The following GRM5 variants were observed in gnomAD, a reference collection of about 807,000 sequenced individuals.
GRM5 encodes metabotropic glutamate receptor 5.
In GRM5, 19 loss-of-function variants were observed where a neutral mutation model predicts 83.1. The ratio of observed to expected loss-of-function variants is 0.23; its 90% CI spans 0.16 to 0.34. The LOEUF is 0.34. Among genes scored for constraint, GRM5 ranks in the 10% least tolerant of loss-of-function variants. The probability of loss-of-function intolerance (pLI) is 1.00; values close to 1 mark genes in which losing one functional copy is unlikely to be tolerated. For synonymous variants in GRM5, 675 were observed against 633.6 expected, an observed-to-expected ratio of 1.07 and a Z score of -0.98; for missense variants, 1,160 against 1,588.3, an observed-to-expected ratio of 0.73 and a Z score of 4.58.
At chr11:88,571,692 C>G (rs1366000728) in intron 7 of GRM5, among the ~76,000 whole-genome samples, 1 of 152,148 alleles carries the variant, frequency 6.6e-6, no homozygotes, top group African/African-American at 2.4e-5. Context: ...TAGAGATTAT[C>G]AAGCCAAATT....
chr11:88,554,996 A>G (rs1942593567), intron 8 of GRM5, among the ~76,000 whole-genome samples: 2 of 152,168 alleles, frequency 1.3e-5, no homozygotes, highest in East Asian at 3.9e-4. Flanking sequence ...CCCACTTGAC[A>G]TATCCTCTTG....
intron 3 of GRM5, among the ~76,000 whole-genome samples, chr11:88,772,532 G>A (rs1364295548): frequency 6.6e-6 from 1 of 151,826 alleles, no homozygotes; most frequent in East Asian, 1.9e-4. Flanking sequence ...CATGTGCCAT[G>A]TTGCTTTGCT....
At position 88,604,824 on chromosome 11, in the gene GRM5, T is replaced by G. The variant is rs1285410696; in HGVS notation, c.1288A>C (p.Lys430Gln). The G allele has an allele frequency of 1.2e-6, 2 of 1,614,072 alleles. No homozygotes were observed. The highest frequency in any genetic ancestry group is 2.2e-5 in the South Asian group (2 of 91,084). The part of the protein sequence containing the change: ...PGYAGLCDAM[K>Q]PIDGRKLLES... The stretch of plus-strand genomic sequence containing the variant: ...AAAAGTTTCCGTCCATCAATTGGCT[T>G]CATGGCATCACAGAGTCCTGCATAG... Residue 430 changes from lysine (K) to glutamine (Q), a missense_variant, in exon 5 of 10, where the codon AAG becomes CAG. This residue lies in a region of GRM5 where 132 missense variants were observed against 197.6 expected (regional missense o/e 0.67). Coordinates refer to ENST00000305447, the MANE Select transcript of GRM5 (RefSeq NM_001143831.3).
chr11:88,519,763 A>G (rs1385071542), intron 9 of GRM5, among the ~76,000 whole-genome samples: 2 of 152,178 alleles, frequency 1.3e-5, no homozygotes, highest in Non-Finnish European at 2.9e-5. Context: ...AAGACAAAAC[A>G]GTAAATACGT....
chr11:88,777,925 AG>A, intron 3 of GRM5, among the ~76,000 whole-genome samples: 1 of 152,172 alleles, frequency 6.6e-6, no homozygotes, highest in East Asian at 1.9e-4. Flanking sequence ...GACCCACTTA[AG>A]GAGGCAGTCT....
intron 8 of GRM5, among the ~76,000 whole-genome samples, chr11:88,529,617 A>G (rs1237767191): frequency 6.6e-6 from 1 of 151,968 alleles, no homozygotes; most frequent in Non-Finnish European, 1.5e-5. Context: ...GCTACATAAA[A>G]CAGGATCAGA....
At chr11:89,007,932 A>G (rs10466323) in intron 2 of GRM5, among the ~76,000 whole-genome samples, 10,746 of 152,222 alleles carry the variant, frequency 0.071, 1,237 homozygotes, top group African/African-American at 0.25. Flanking sequence ...TTGTTTAATC[A>G]CTCACAATAT....
At chr11:88,512,981 C>T (rs557914068) in intron 9 of GRM5, among the ~76,000 whole-genome samples, 1 of 152,332 alleles carries the variant, frequency 6.6e-6, no homozygotes, top group East Asian at 1.9e-4. Flanking sequence ...ACACCCTAAA[C>T]TATCTCCTTG....
chr11:89,016,812 A>T (rs1940868942), intron 2 of GRM5, among the ~76,000 whole-genome samples: 1 of 152,164 alleles, frequency 6.6e-6, no homozygotes, highest in South Asian at 2.1e-4. Flanking sequence ...GATAGGATAA[A>T]ACAGTCAGGA....
intron 3 of GRM5, among the ~76,000 whole-genome samples, chr11:88,787,682 A>G (rs1943099237): frequency 1.3e-5 from 2 of 152,206 alleles, no homozygotes; most frequent in African/African-American, 4.8e-5. Context: ...TATGTTTAAG[A>G]TTGACTTTAA....
intron 4 of GRM5, among the ~76,000 whole-genome samples, chr11:88,651,060 A>C (rs75610337): frequency 0.013 from 2,023 of 152,124 alleles, 27 homozygotes; most frequent in Non-Finnish European, 0.022. Context: ...GCAGTAAAGA[A>C]CAGATTCTGA....
chr11:88,853,162 G>T (rs1944416326), intron 2 of GRM5, among the ~76,000 whole-genome samples: 1 of 152,106 alleles, frequency 6.6e-6, no homozygotes, highest in Non-Finnish European at 1.5e-5. Context: ...TGGAGAAAAT[G>T]TAATCATAGC....
intron 2 of GRM5, among the ~76,000 whole-genome samples, chr11:88,959,585 G>C (rs1288270499): frequency 6.6e-6 from 1 of 152,144 alleles, no homozygotes; most frequent in African/African-American, 2.4e-5. Flanking sequence ...TCATCTGACA[G>C]TTATAGCTCT....
intron 2 of GRM5, among the ~76,000 whole-genome samples, chr11:88,962,976 C>T (rs1938829463): frequency 6.6e-6 from 1 of 152,206 alleles, no homozygotes; most frequent in Non-Finnish European, 1.5e-5. Context: ...GTAGTCCCAA[C>T]TACTCAGGAG....
At chr11:88,608,798 G>C (rs1189825322) in intron 4 of GRM5, among the ~76,000 whole-genome samples, 1 of 152,142 alleles carries the variant, frequency 6.6e-6, no homozygotes, top group African/African-American at 2.4e-5. Flanking sequence ...TGGGATTACA[G>C]GCGTGAGCCA....
intron 3 of GRM5, among the ~76,000 whole-genome samples, chr11:88,751,476 C>T (rs11021172): frequency 9.2e-5 from 14 of 151,698 alleles, no homozygotes; most frequent in African/African-American, 3.4e-4. Context: ...GCCTACCAAC[C>T]AACAAAAGCT....
At chr11:88,678,870 TC>T (rs2135342509) in intron 3 of GRM5, among the ~76,000 whole-genome samples, 1 of 151,458 alleles carries the variant, frequency 6.6e-6, no homozygotes, top group South Asian at 2.1e-4. Flanking sequence ...AGAAAAAGTA[TC>T]CCATTTGAAG....
intron 9 of GRM5, among the ~76,000 whole-genome samples, chr11:88,509,901 G>A (rs61903510): frequency 0.089 from 13,532 of 152,170 alleles, 849 homozygotes; most frequent in Non-Finnish European, 0.14. Context: ...GCTTCCTAGA[G>A]TTAGTGGCCT....
intron 3 of GRM5, among the ~76,000 whole-genome samples, chr11:88,742,792 C>G (rs1047114389): frequency 1.3e-5 from 2 of 151,954 alleles, no homozygotes; most frequent in African/African-American, 4.8e-5. Context: ...TTTAACAAGC[C>G]CATTTGGGAA....
Sources: gnomAD v4.1 joint callset for allele counts (sites outside exome capture counted in the v4.1 genomes callset) on GRCh38, gnomAD v4.1.1 for gene constraint, gnomAD v4.1.1 regional missense constraint, MANE v1.5 for transcripts, NCBI Gene and HGNC (gene_info 2026-07-23, HGNC 2026-07-21) for gene names.